FRMPD3: variants seen among roughly 807,000 people sequenced by gnomAD.
FRMPD3 encodes the protein FERM and PDZ domain containing 3.
A neutral mutation model predicts 97.9 loss-of-function variants in FRMPD3; 42 were observed. The ratio of observed to expected loss-of-function variants is 0.43; its 90% confidence interval spans 0.34 to 0.55. The LOEUF (loss-of-function observed/expected upper bound fraction) is 0.55. Among genes scored for constraint, FRMPD3 ranks in the 20% least tolerant of loss-of-function variants. The pLI is 0.03. For synonymous variants in FRMPD3, 577 were observed against 581.1 expected, an observed-to-expected ratio of 0.99 and a Z score of 0.10; for missense variants, 1,303 against 1,457.7, an observed-to-expected ratio of 0.89 and a Z score of 1.73.
chrX:107,588,204 C>G (rs1357057312), intron 13 of FRMPD3, among the ~76,000 whole-genome samples: 1 of 110,600 alleles, frequency 9.0e-6, no homozygotes, highest in East Asian at 2.8e-4. Context: ...TCATTTTGAC[C>G]TTGGAGAATC....
rs1165839694 is a variant in FRMPD3 at position 107,598,048 on chromosome X, G to A, written c.2169G>A (p.Gln723=). 1 of 1,208,907 alleles carries A rather than the reference G, an allele frequency of 8.3e-7. No homozygotes were observed. Among genetic ancestry groups the A allele is most frequent in the Admixed American group, 2.2e-5 (1 of 45,759 alleles). ...CCCGGACAGTTCGAGATCATGCCCA[G>A]GAGCTAGATGATGCCCTGGTGTCCA... ...VQTRTVRDHA[Q]ELDDALVSTL... is the part of the protein sequence containing the mutation. The change falls in exon 14 of 15, where the codon CAG becomes CAA. Residue 723 remains glutamine, a synonymous_variant. Transcript: ENST00000683843.
chrX:107,478,141 T>C (rs1921249633), intron 1 of FRMPD3, among the ~76,000 whole-genome samples: 1 of 111,920 alleles, frequency 8.9e-6, no homozygotes, highest in African/African-American at 3.2e-5. Context: ...TCATTCTCAT[T>C]TGTAAATGCT....
chrX:107,551,368 T>A (rs1374523320), intron 6 of FRMPD3, among the ~76,000 whole-genome samples: 1 of 112,006 alleles, frequency 8.9e-6, no homozygotes, highest in Non-Finnish European at 1.9e-5. Context: ...TGTCCAAATG[T>A]GCCTTCTCCA....
intron 8 of FRMPD3, among the ~76,000 whole-genome samples, chrX:107,559,075 C>A (rs1326607146): frequency 9.4e-6 from 1 of 106,767 alleles, no homozygotes; most frequent in Non-Finnish European, 1.9e-5. Context: ...TCAAGTGATT[C>A]TCCTGCCTCA....
intron 13 of FRMPD3, among the ~76,000 whole-genome samples, chrX:107,583,238 C>T (rs769379378): frequency 7.3e-5 from 8 of 109,376 alleles, no homozygotes; most frequent in African/African-American, 2.3e-4. Context: ...TCCCTCCCCT[C>T]GCTCCCCCAC....
At chrX:107,543,771 G>A (rs1468900972) in intron 4 of FRMPD3, among the ~76,000 whole-genome samples, 2 of 104,717 alleles carry the variant, frequency 1.9e-5, no homozygotes, top group South Asian at 4.4e-4. Flanking sequence ...AGCCGAGATC[G>A]CACCACTGCA....
chrX:107,487,390 A>C (rs1921535303), intron 1 of FRMPD3, among the ~76,000 whole-genome samples: 1 of 112,258 alleles, frequency 8.9e-6, no homozygotes, highest in Non-Finnish European at 1.9e-5. Context: ...GTTGGAAGTC[A>C]TAATTGCTTG....
chrX:107,464,739 C>T (rs909206393), intron 1 of FRMPD3, among the ~76,000 whole-genome samples: 8 of 111,665 alleles, frequency 7.2e-5, no homozygotes, highest in African/African-American at 2.0e-4. Flanking sequence ...AGGTAGCTGA[C>T]GCTTCCCAAG....
chrX:107,525,723 A>G (rs1922667625), intron 1 of FRMPD3: 2 of 548,120 alleles, frequency 3.6e-6, no homozygotes, highest in South Asian at 2.3e-5. Flanking sequence ...ATTTATTTAT[A>G]TATGCTACTT....
At chrX:107,491,372 G>A (rs1361076922) in intron 1 of FRMPD3, among the ~76,000 whole-genome samples, 2 of 111,713 alleles carry the variant, frequency 1.8e-5, no homozygotes, top group Non-Finnish European at 3.8e-5. Context: ...CCTCTTCCAG[G>A]GATTACATTA....
chrX:107,537,468 A>G (rs958855797), intron 4 of FRMPD3, among the ~76,000 whole-genome samples: 1 of 111,823 alleles, frequency 8.9e-6, no homozygotes, highest in African/African-American at 3.3e-5. Context: ...GTGGACGAGT[A>G]CACACACACG....
At chrX:107,563,395 A>G (rs1465396031) in intron 11 of FRMPD3, among the ~76,000 whole-genome samples, 195 bp downstream of exon 11, 1 of 112,049 alleles carries the variant, frequency 8.9e-6, no homozygotes. Context: ...GTATCCCTCC[A>G]TGACCTTTTT....
intron 1 of FRMPD3, among the ~76,000 whole-genome samples, chrX:107,474,071 C>T (rs1250948115): frequency 1.8e-5 from 2 of 112,013 alleles, no homozygotes; most frequent in African/African-American, 3.3e-5. Context: ...GGCTACAGAG[C>T]GAGACTCTTT....
chrX:107,460,446 A>G (rs1342490352), intron 1 of FRMPD3, among the ~76,000 whole-genome samples: 1 of 109,165 alleles, frequency 9.2e-6, no homozygotes, highest in East Asian at 2.9e-4. Flanking sequence ...GCTGGAATGC[A>G]GTGGCACCAC....
intron 1 of FRMPD3, among the ~76,000 whole-genome samples, chrX:107,479,209 A>C (rs909383354): frequency 8.9e-6 from 1 of 112,427 alleles, no homozygotes; most frequent in African/African-American, 3.2e-5. Flanking sequence ...GGCTGGAATT[A>C]AGGAAGGCCA....
At position 107,603,719 on chromosome X, in the gene FRMPD3, G is replaced by T. The variant is rs999478407; in HGVS notation, c.*346G>T. The T allele has an allele frequency of 5.8e-6, 1 of 172,515 alleles. No individual in the cohort carries two copies. Among genetic ancestry groups the T allele is most frequent in the Non-Finnish European group, 1.1e-5 (1 of 92,006 alleles). The allele number at this position is 172,515 out of a possible 1,213,427, so 14.2% of individuals were successfully genotyped here. A position where few individuals can be genotyped will look rare whatever the true frequency, so the allele number is the denominator to read the frequency against. On this transcript the variant is annotated 3_prime_UTR_variant, in exon 15 of 15. Transcript: ENST00000683843. The stretch of plus-strand genomic sequence containing the variant: ...CTGCTCAATCCGTGTTGGGCGCTGG[G>T]GGAGCCAGGGCCTGAAGCAAGCGGA...
In FRMPD3 at chrX:107,531,711, A is replaced by G. The variant is rs895389849; in HGVS notation, c.251+1200A>G. On this transcript the variant is annotated intron_variant, in intron 3 of 14. Coordinates refer to ENST00000683843, the MANE Select transcript of FRMPD3 (RefSeq NM_001388459.1). ...GTTCAGTTGTCTATTGCATTTCCCT[A>G]CCCTCCACCCTCCACCCTCTGCTAC... Among the ~76,000 whole-genome samples, 17 of 108,975 alleles carry G rather than the reference A, an allele frequency of 1.6e-4. No homozygotes were observed. The East Asian group carries it at 3.4e-3, about 22-fold the overall frequency. The allele number at this position is 108,975 out of a possible 115,157, so 94.6% of individuals were successfully genotyped here. A position where few individuals can be genotyped will look rare whatever the true frequency, so the allele number is the denominator to read the frequency against.
rs776914677 is a variant in FRMPD3 at position 107,471,246 on chromosome X, C to T, written c.-8+21241C>T. ...CGCAGTCGCAGTGTCTGCTCCAAGC[C>T]TCTTCTTTCCCTTCCTTCCTTCCTT... On this transcript the variant is annotated intron_variant, in intron 1 of 14. Coordinates refer to ENST00000683843, the MANE Select transcript of FRMPD3 (RefSeq NM_001388459.1). 7.3e-5 allele frequency among the ~76,000 whole-genome samples: 8 copies of T among 109,548 alleles called. No individual in the cohort carries two copies. In the South Asian group the frequency reaches 3.1e-3, roughly 43 times the overall value.
At chrX:107,478,621 G>A (rs757159947) in intron 1 of FRMPD3, among the ~76,000 whole-genome samples, 3 of 111,096 alleles carry the variant, frequency 2.7e-5, no homozygotes, top group Admixed American at 9.6e-5. Flanking sequence ...TCGTCTCCTC[G>A]TTTTAAATCC....
Sources: allele counts gnomAD v4.1 joint callset (sites outside exome capture counted in the v4.1 genomes callset), GRCh38; gene constraint gnomAD v4.1.1; transcripts MANE v1.5; gene names NCBI Gene and HGNC (gene_info 2026-07-23, HGNC 2026-07-21).